The following ADCY3 variants were observed in gnomAD, a reference collection of about 807,000 sequenced individuals.
ADCY3 encodes the protein adenylate cyclase 3, also known as adenylate cyclase type 3.
A neutral mutation model predicts 119.4 loss-of-function variants in ADCY3; 70 were observed. That is an observed-to-expected ratio of 0.59 (90% CI 0.48 to 0.72). The LOEUF (loss-of-function observed/expected upper bound fraction) is 0.72. Among genes scored for constraint, ADCY3 ranks in the 30% least tolerant of loss-of-function variants. ADCY3 has a pLI of 0.00. For synonymous variants in ADCY3, 672 were observed against 621.4 expected (o/e 1.08, Z -1.21); for missense variants, 1,238 against 1,541.6 (o/e 0.80, Z 3.30).
chr2:24,822,866 C>T (rs1406095966), intron 18 of ADCY3, among the ~76,000 whole-genome samples: 5 of 152,254 alleles, frequency 3.3e-5, no homozygotes, highest in African/African-American at 1.2e-4. Context: ...CCTAGGGGGG[C>T]TCCGCGCGTG....
chr2:24,892,025 A>G (rs1247230856), intron 2 of ADCY3, among the ~76,000 whole-genome samples: 1 of 152,230 alleles, frequency 6.6e-6, no homozygotes. Context: ...GCTACAAATT[A>G]TCCTCAAAGC....
chr2:24,820,067 A>G lies in ADCY3; in HGVS notation c.3300T>C (p.Phe1100=). ...QVILREYGFR[F]VRRGPIFVKG... ...TCACAAAGATGGGGCCTCGCCTCAC[A>G]AAGCGGAAGCCGTACTCTCGGAGGA... is the stretch of plus-strand genomic sequence containing the variant. Residue 1100 remains phenylalanine (F), a synonymous_variant, in exon 22 of 22, where the codon TTT becomes TTC. Transcript: ENST00000679454. The G allele has an allele frequency of 6.3e-7, 1 of 1,591,614 alleles. No individual in the cohort carries two copies. The highest frequency in any genetic ancestry group is 1.1e-5 in the South Asian group (1 of 88,506).
intron 3 of ADCY3, among the ~76,000 whole-genome samples, chr2:24,853,056 GTGTGTGTGTGT>G (rs1672569226): frequency 8.7e-6 from 1 of 114,566 alleles, no homozygotes. Flanking sequence ...GTGTGTGTGT[GTGTGTGTGTGT>G]AGGGGTGTTA....
At chr2:24,831,536 C>T (rs545293666) in intron 12 of ADCY3, 126 bp downstream of exon 12, 22 of 760,338 alleles carry the variant, frequency 2.9e-5, no homozygotes, top group Admixed American at 1.9e-4. Flanking sequence ...GTGCCTGGAC[C>T]GTCCTAACAG....
chr2:24,819,903 G>C lies in ADCY3; in HGVS notation c.*29C>G. On this transcript the variant is annotated 3_prime_UTR_variant, in exon 22 of 22. Coordinates refer to ENST00000679454, the MANE Select transcript of ADCY3 (RefSeq NM_004036.5). ...TTTCAAAAAATAAATTCTCCCTTCC[G>C]GTTTGGACTGTTGCAGGCTCGAGGC... 1 of 1,607,860 alleles carries C rather than the reference G, an allele frequency of 6.2e-7. No individual in the cohort carries two copies. Among genetic ancestry groups the C allele is most frequent in the Admixed American group, 1.7e-5 (1 of 58,702 alleles).
chr2:24,887,496 G>A (rs1338509476), intron 2 of ADCY3, among the ~76,000 whole-genome samples: 4 of 152,118 alleles, frequency 2.6e-5, no homozygotes, highest in Non-Finnish European at 4.4e-5. Flanking sequence ...CTGCCAAGAG[G>A]TCGAAAACCA....
intron 20 of ADCY3, chr2:24,821,287 G>A (rs947399822): frequency 1.8e-6 from 1 of 550,978 alleles, no homozygotes; most frequent in Non-Finnish European, 3.1e-6. Flanking sequence ...AGCTTCTATT[G>A]TAACAGTAGG....
intron 3 of ADCY3, among the ~76,000 whole-genome samples, chr2:24,858,197 C>T (rs933857384): frequency 2.7e-5 from 4 of 149,486 alleles, no homozygotes; most frequent in African/African-American, 1.0e-4. Flanking sequence ...GAGATAAGGT[C>T]TTGCCATGTC....
rs1664682084 is a variant in ADCY3, at chr2:24,918,143, G to A, written c.675+170C>T. Among the ~76,000 whole-genome samples the A allele has an allele frequency of 6.6e-6, 1 of 152,208 alleles. No homozygotes were observed. Among genetic ancestry groups the A allele is most frequent in the African/African-American group, 2.4e-5 (1 of 41,462 alleles). On this transcript the variant is annotated intron_variant, in intron 2 of 21. Coordinates refer to ENST00000679454, the MANE Select transcript of ADCY3 (RefSeq NM_004036.5). This position sits in a 1 kb window ranked among gnomAD's most constrained non-coding sequence, Gnocchi z 5.4. ...TGGGGCCAAGCACAGGCAGACTCCG[G>A]GTAATGGCACAGGGGTGAAAAGGCA... is the stretch of plus-strand genomic sequence containing the variant.
chr2:24,893,390 T>C (rs993376538), intron 2 of ADCY3, among the ~76,000 whole-genome samples: 12 of 151,960 alleles, frequency 7.9e-5, no homozygotes, highest in African/African-American at 2.9e-4. Context: ...ACAGGGTCTC[T>C]TTTTTGTGTA....
At chr2:24,830,183 G>A (rs1285164652) in intron 13 of ADCY3, among the ~76,000 whole-genome samples, 1 of 150,932 alleles carries the variant, frequency 6.6e-6, no homozygotes, top group African/African-American at 2.4e-5. Context: ...TGGGATTACA[G>A]GTGTGCACCA....
intron 13 of ADCY3, among the ~76,000 whole-genome samples, chr2:24,830,044 C>CT (rs66894795): frequency 0.11 from 14,138 of 132,658 alleles, 1,078 homozygotes; most frequent in East Asian, 0.21. Flanking sequence ...AGTGAATTAC[C>CT]TTTTTTTTTT....
intron 3 of ADCY3, among the ~76,000 whole-genome samples, chr2:24,848,469 A>G (rs899849881): frequency 6.6e-6 from 1 of 152,168 alleles, no homozygotes; most frequent in African/African-American, 2.4e-5. Context: ...GAAGGCTGTG[A>G]GACCCCTGAT....
In ADCY3 at chr2:24,841,497, C is replaced by T. The variant is rs1671009910; in HGVS notation, c.1068+59G>A. The T allele has an allele frequency of 6.3e-7, 1 of 1,591,472 alleles. No individual in the cohort carries two copies. Among genetic ancestry groups the T allele is most frequent in the Non-Finnish European group, 8.6e-7 (1 of 1,166,600 alleles). ...AAAATCATGGGGCCGGGGATGGGGG[C>T]CAGGCAGAGGCCATGAGGGCAGGCC... On this transcript the variant is annotated intron_variant, in intron 5 of 21. Coordinates refer to ENST00000679454, the MANE Select transcript of ADCY3 (RefSeq NM_004036.5). The surrounding 1 kb of genome is among the most constrained non-coding windows in gnomAD (Gnocchi z 5.8).
At chr2:24,827,109 C>T (rs1243720003) in intron 15 of ADCY3, among the ~76,000 whole-genome samples, 1 of 152,168 alleles carries the variant, frequency 6.6e-6, no homozygotes, top group Non-Finnish European at 1.5e-5. Flanking sequence ...AAGGTCTGTT[C>T]AAGTCATGGA....
chr2:24,868,989 A>T (rs1674647457), intron 3 of ADCY3, among the ~76,000 whole-genome samples: 1 of 152,200 alleles, frequency 6.6e-6, no homozygotes, highest in African/African-American at 2.4e-5. Context: ...GCGCCACTGC[A>T]CTCCAGCCTA....
In ADCY3 at chr2:24,834,679, T is replaced by C; in HGVS notation, c.1806-33A>G. 6.2e-7 allele frequency: 1 copy of C among 1,608,474 alleles called. No individual in the cohort carries two copies. The highest frequency in any genetic ancestry group is 1.7e-5 in the Admixed American group (1 of 59,930). ...GGGAACAAGCCCCATGAATCCCAAA[T>C]GCCACATCTGCCTTGGCCTAGCAGG... is the stretch of plus-strand genomic sequence containing the variant. On this transcript the variant is annotated intron_variant, in intron 10 of 21. Coordinates refer to ENST00000679454, the MANE Select transcript of ADCY3 (RefSeq NM_004036.5). The surrounding 1 kb of genome is among the most constrained non-coding windows in gnomAD (Gnocchi z 4.2).
chr2:24,853,132 T>C (rs1174972446), intron 3 of ADCY3, among the ~76,000 whole-genome samples: 1 of 151,732 alleles, frequency 6.6e-6, no homozygotes, highest in African/African-American at 2.4e-5. Context: ...TCCAGCCATA[T>C]CAAACTAGGA....
At chr2:24,856,130 G>A (rs770712806) in intron 3 of ADCY3, among the ~76,000 whole-genome samples, 1 of 152,204 alleles carries the variant, frequency 6.6e-6, no homozygotes, top group Non-Finnish European at 1.5e-5. Context: ...CAGTTAGGTC[G>A]AGAGAGACCC....
Sources: allele counts gnomAD v4.1 joint callset (sites outside exome capture counted in the v4.1 genomes callset), GRCh38; gene constraint gnomAD v4.1.1; non-coding constraint Gnocchi (gnomAD v3.1); transcripts MANE v1.5; gene names NCBI Gene and HGNC (gene_info 2026-07-23, HGNC 2026-07-21).